The following MEIS1 variants were observed in gnomAD, a reference collection of about 807,000 sequenced individuals.
The protein encoded by MEIS1 is Meis homeobox 1, also known as homeobox protein Meis1.
In MEIS1, 5 loss-of-function variants were observed where a neutral mutation model predicts 50.8. The ratio of observed to expected loss-of-function variants is 0.10; its 90% CI spans 0.05 to 0.21. The LOEUF (loss-of-function observed/expected upper bound fraction) is 0.21, where lower values mean the gene tolerates loss of function less well. Ranked by LOEUF, MEIS1 falls within the 10% of genes least tolerant of loss-of-function variation. The pLI is 1.00. For missense variants in MEIS1, 318 were observed against 517.3 expected (o/e 0.61, Z 3.74); for synonymous variants, 176 against 179.3 (o/e 0.98, Z 0.15).
At chr2:66,560,100 CTTTT>C (rs70947304) in intron 9 of MEIS1, among the ~76,000 whole-genome samples, 29,830 of 124,680 alleles carry the variant, frequency 0.24, 3,642 homozygotes, top group Non-Finnish European at 0.28. Flanking sequence ...CCTGCCATCA[CTTTT>C]TTTTTTTTTT....
At chr2:66,530,511 G>A (rs1490653976) in intron 8 of MEIS1, among the ~76,000 whole-genome samples, 1 of 151,940 alleles carries the variant, frequency 6.6e-6, no homozygotes, top group African/African-American at 2.4e-5. Flanking sequence ...TCAGGAGATC[G>A]AGACCATCCT....
intron 6 of MEIS1, among the ~76,000 whole-genome samples, chr2:66,457,443 CA>C (rs1205693189): frequency 6.6e-6 from 1 of 152,132 alleles, no homozygotes; most frequent in Non-Finnish European, 1.5e-5. Flanking sequence ...TCAGCATCCC[CA>C]TTCCCCAGCT....
At chr2:66,438,005 G>T in intron 2 of MEIS1, 42 bp downstream of exon 2, 3 of 1,487,498 alleles carry the variant, frequency 2.0e-6, no homozygotes, top group Non-Finnish European at 2.7e-6. Context: ...GAGACTCAAC[G>T]CTTCCCTCTT....
intron 7 of MEIS1, among the ~76,000 whole-genome samples, chr2:66,481,948 A>G (rs1673026808): frequency 7.2e-6 from 1 of 138,718 alleles, no homozygotes; most frequent in South Asian, 2.2e-4. Context: ...TCCGCCTTCC[A>G]GTTTCAAGTG....
intron 6 of MEIS1, among the ~76,000 whole-genome samples, chr2:66,456,747 T>C (rs1672399062): frequency 6.6e-6 from 1 of 152,190 alleles, no homozygotes; most frequent in Non-Finnish European, 1.5e-5. Flanking sequence ...AGAAAGTGGA[T>C]AAAGTGTGTG....
intron 8 of MEIS1, among the ~76,000 whole-genome samples, chr2:66,525,215 AAAC>A (rs1674220340): frequency 1.1e-5 from 1 of 91,584 alleles, no homozygotes; most frequent in Non-Finnish European, 3.2e-5. Flanking sequence ...CTTGTCTCAA[AAAC>A]AAACAAACAA....
chr2:66,526,571 A>T (rs967914833), intron 8 of MEIS1, among the ~76,000 whole-genome samples: 2 of 152,228 alleles, frequency 1.3e-5, no homozygotes, highest in Non-Finnish European at 2.9e-5. Context: ...TCTGGAAGCC[A>T]TGGGAGCTAG....
intron 6 of MEIS1, among the ~76,000 whole-genome samples, chr2:66,454,115 T>C (rs1672335551): frequency 1.3e-5 from 2 of 152,066 alleles, no homozygotes; most frequent in Non-Finnish European, 2.9e-5. Flanking sequence ...ACCCACTTTA[T>C]TGAGTTACTG....
chr2:66,542,377 G>C (rs371237601), intron 8 of MEIS1, among the ~76,000 whole-genome samples: 5 of 152,052 alleles, frequency 3.3e-5, no homozygotes, highest in African/African-American at 9.7e-5. Flanking sequence ...TAGCTGTGGA[G>C]GAGGCAAAGG....
At chr2:66,440,664 C>A in intron 4 of MEIS1, 52 bp downstream of exon 4, 1 of 1,267,492 alleles carries the variant, frequency 7.9e-7, no homozygotes, top group Non-Finnish European at 1.1e-6. Context: ...CTACCTCCCA[C>A]CTCCAACGCC....
intron 6 of MEIS1, among the ~76,000 whole-genome samples, chr2:66,456,956 C>A (rs1236180292): frequency 6.6e-6 from 1 of 152,084 alleles, no homozygotes. Flanking sequence ...CATATCATTC[C>A]TCACAACACT....
chr2:66,528,448 T>G (rs369010319), intron 8 of MEIS1, among the ~76,000 whole-genome samples: 1 of 152,154 alleles, frequency 6.6e-6, no homozygotes, highest in African/African-American at 2.4e-5. Flanking sequence ...GCTCCCAAAC[T>G]GGCTCTCCTT....
At chr2:66,489,157 A>G (rs1673210656) in intron 7 of MEIS1, among the ~76,000 whole-genome samples, 1 of 152,224 alleles carries the variant, frequency 6.6e-6, no homozygotes, top group Non-Finnish European at 1.5e-5. Flanking sequence ...CCATTGGCAG[A>G]TCACCTTCAT....
intron 7 of MEIS1, among the ~76,000 whole-genome samples, chr2:66,481,012 A>G (rs1673002305): frequency 6.6e-6 from 1 of 151,646 alleles, no homozygotes; most frequent in African/African-American, 2.4e-5. Context: ...AAAAAAAAAC[A>G]AAAAAACAAA....
chr2:66,534,310 C>T (rs964699441), intron 8 of MEIS1, among the ~76,000 whole-genome samples: 4 of 152,038 alleles, frequency 2.6e-5, no homozygotes, highest in South Asian at 2.1e-4. Context: ...CCAAGGCGGG[C>T]GGATCACGAG....
At chr2:66,446,050 C>A (rs894154946) in intron 6 of MEIS1, among the ~76,000 whole-genome samples, 1 of 152,046 alleles carries the variant, frequency 6.6e-6, no homozygotes, top group Admixed American at 6.5e-5. Flanking sequence ...CTAGGGGAAG[C>A]GAGGGGCGCC....
At chr2:66,437,527 A>C (rs1264356803) in intron 1 of MEIS1, 1 of 585,620 alleles carries the variant, frequency 1.7e-6, no homozygotes, top group Non-Finnish European at 3.0e-6. Flanking sequence ...AAGATCATTC[A>C]TCCCAGACGA....
At chr2:66,461,265 G>A (rs1672512322) in intron 6 of MEIS1, among the ~76,000 whole-genome samples, 1 of 152,080 alleles carries the variant, frequency 6.6e-6, no homozygotes, top group Non-Finnish European at 1.5e-5. Flanking sequence ...ACAGAGATAG[G>A]TTATTGTAAC....
chr2:66,557,340 C>T (rs1027673085), intron 9 of MEIS1, among the ~76,000 whole-genome samples: 4 of 152,176 alleles, frequency 2.6e-5, no homozygotes, highest in Non-Finnish European at 5.9e-5. Context: ...AGTGTGTTCA[C>T]AGAGTTGTGT....
Sources: allele counts gnomAD v4.1 joint callset (sites outside exome capture counted in the v4.1 genomes callset), GRCh38; gene constraint gnomAD v4.1.1; transcripts MANE v1.5; gene names NCBI Gene and HGNC (gene_info 2026-07-23, HGNC 2026-07-21).